MAD1L1: variants seen among roughly 807,000 people sequenced by gnomAD.
MAD1L1 encodes the protein mitotic spindle assembly checkpoint protein MAD1.
A neutral mutation model predicts 96.9 loss-of-function variants in MAD1L1; 95 were observed. The observed-to-expected ratio is 0.98, with a 90% CI of 0.83 to 1.16. MAD1L1 has a LOEUF of 1.16. Among genes scored for constraint, MAD1L1 ranks in the 50% most tolerant of loss-of-function variants. The probability of loss-of-function intolerance (pLI) is 0.00; values close to 1 mark genes in which losing one functional copy is unlikely to be tolerated. For missense variants in MAD1L1, 1,007 were observed against 954.4 expected, an observed-to-expected ratio of 1.06 and a Z score of -0.73; for synonymous variants, 473 against 396.6, an observed-to-expected ratio of 1.19 and a Z score of -2.29.
chr7:1,970,161 A>T (rs1780340661), intron 15 of MAD1L1, among the ~76,000 whole-genome samples: 1 of 152,170 alleles, frequency 6.6e-6, no homozygotes. Context: ...TTGAGCAGAC[A>T]TGTGCAGCTG....
At chr7:1,977,413 G>A (rs1780696295) in intron 15 of MAD1L1, among the ~76,000 whole-genome samples, 1 of 152,208 alleles carries the variant, frequency 6.6e-6, no homozygotes, top group South Asian at 2.1e-4. Context: ...CTCGGAGTGT[G>A]GGGCCCGCCA....
chr7:2,150,773 C>G (rs1482780703), intron 10 of MAD1L1, among the ~76,000 whole-genome samples: 1 of 152,222 alleles, frequency 6.6e-6, no homozygotes, highest in Non-Finnish European at 1.5e-5. Context: ...TCCCTCTGAC[C>G]ACAGCCAATT....
At chr7:1,902,220 A>C (rs898309142) in intron 17 of MAD1L1, among the ~76,000 whole-genome samples, 4 of 152,210 alleles carry the variant, frequency 2.6e-5, no homozygotes, top group Non-Finnish European at 5.9e-5. Flanking sequence ...GGACAGAATA[A>C]AAATAAATTG....
chr7:2,182,203 ATT>A (rs1423421582), intron 10 of MAD1L1, among the ~76,000 whole-genome samples: 2 of 152,164 alleles, frequency 1.3e-5, no homozygotes, highest in African/African-American at 4.8e-5. Context: ...ACTGGAAATA[ATT>A]TTTTGTCCCA....
At chr7:2,152,076 C>T (rs1789603122) in intron 10 of MAD1L1, among the ~76,000 whole-genome samples, 3 of 152,224 alleles carry the variant, frequency 2.0e-5, no homozygotes, top group Admixed American at 2.0e-4. Context: ...CTGGAGTTGT[C>T]CTGCCCCAGG....
rs1046680899 is a variant in MAD1L1 at position 2,119,082 on chromosome 7, G to A, written c.1073+30070C>T. ...GACAAGCAGGAGCGGCTGGGCTCGA[G>A]CTCCAGGGCTTCAGGGTGACTGCTG... On this transcript the variant is annotated intron_variant, in intron 11 of 18. Coordinates refer to ENST00000265854, the MANE Select transcript of MAD1L1 (RefSeq NM_001013836.2). This position sits in a 1 kb window ranked among gnomAD's most constrained non-coding sequence, Gnocchi z 4.6. Among the ~76,000 whole-genome samples, 1 of 152,042 alleles carries A rather than the reference G, an allele frequency of 6.6e-6. No homozygotes were observed. Among genetic ancestry groups the A allele is most frequent in the Admixed American group, 6.5e-5 (1 of 15,278 alleles).
chr7:1,900,127 T>TC (rs1483277631), intron 17 of MAD1L1, among the ~76,000 whole-genome samples: 1 of 152,028 alleles, frequency 6.6e-6, no homozygotes, highest in African/African-American at 2.4e-5. Flanking sequence ...AGCAGCCCGT[T>TC]CCGAGTGCAA....
chr7:1,954,197 A>T (rs1779625881), intron 16 of MAD1L1, among the ~76,000 whole-genome samples: 1 of 152,190 alleles, frequency 6.6e-6, no homozygotes, highest in Non-Finnish European at 1.5e-5. Flanking sequence ...AATGGCCACC[A>T]TGCAGGCCTG....
At chr7:1,986,450 C>T (rs144024968) in intron 14 of MAD1L1, among the ~76,000 whole-genome samples, 50 of 136,512 alleles carry the variant, frequency 3.7e-4, no homozygotes, top group Admixed American at 1.2e-3. Context: ...GGCCGCCTCT[C>T]GCAAGGGCTC....
chr7:2,182,420 G>A (rs1042458878), intron 10 of MAD1L1, among the ~76,000 whole-genome samples: 5 of 151,984 alleles, frequency 3.3e-5, no homozygotes, highest in African/African-American at 1.2e-4. Flanking sequence ...AGTTACTATG[G>A]AAAATAGTTT....
intron 12 of MAD1L1, among the ~76,000 whole-genome samples, chr7:2,048,691 A>G (rs1367489533): frequency 6.6e-6 from 1 of 152,180 alleles, no homozygotes; most frequent in African/African-American, 2.4e-5. Context: ...AACCTCCTCC[A>G]AGACGAATGC....
At chr7:2,165,569 A>G (rs1333201363) in intron 10 of MAD1L1, among the ~76,000 whole-genome samples, 1 of 96,384 alleles carries the variant, frequency 1.0e-5, no homozygotes, top group East Asian at 2.2e-4. Flanking sequence ...CACAGCAGGG[A>G]GCTGAAATGG....
chr7:1,912,060 G>A (rs564012169), intron 17 of MAD1L1, among the ~76,000 whole-genome samples: 2 of 152,360 alleles, frequency 1.3e-5, no homozygotes, highest in Admixed American at 1.3e-4. Context: ...GCCAAACCCA[G>A]AAGTCTGCAG....
intron 16 of MAD1L1, among the ~76,000 whole-genome samples, chr7:1,940,881 C>T (rs762339171): frequency 5.9e-4 from 90 of 151,436 alleles, no homozygotes; most frequent in Non-Finnish European, 1.2e-3. Flanking sequence ...AGAACCAGGC[C>T]GCACAGCGTG....
chr7:2,193,765 C>T (rs1017088434), intron 10 of MAD1L1, among the ~76,000 whole-genome samples: 2 of 152,184 alleles, frequency 1.3e-5, no homozygotes, highest in East Asian at 3.9e-4. Flanking sequence ...ATCCGGGAGA[C>T]GCCAGTCTCA....
chr7:2,086,874 C>T (rs1001332021), intron 11 of MAD1L1, among the ~76,000 whole-genome samples: 8 of 152,266 alleles, frequency 5.3e-5, no homozygotes, highest in Middle Eastern at 3.4e-3. Context: ...TTATCTTCTG[C>T]GACTAAAAGC....
intron 11 of MAD1L1, among the ~76,000 whole-genome samples, chr7:2,116,575 G>GT (rs1787711134): frequency 6.6e-6 from 1 of 151,242 alleles, no homozygotes; most frequent in Non-Finnish European, 1.5e-5. Flanking sequence ...GTTGGGGGGG[G>GT]GGGGGGCTCC....
intron 18 of MAD1L1, among the ~76,000 whole-genome samples, chr7:1,819,716 T>C (rs1229959562): frequency 6.6e-6 from 1 of 151,138 alleles, no homozygotes; most frequent in Non-Finnish European, 1.5e-5. Flanking sequence ...GAGGGAGGGG[T>C]GGGGGCTGAC....
intron 4 of MAD1L1, among the ~76,000 whole-genome samples, chr7:2,223,847 C>A (rs1220085667): frequency 1.3e-5 from 2 of 151,922 alleles, no homozygotes; most frequent in Non-Finnish European, 2.9e-5. Flanking sequence ...AAGTCTCGCC[C>A]CTAATAGGTA....
Sources: gnomAD v4.1 joint callset for allele counts (sites outside exome capture counted in the v4.1 genomes callset) on GRCh38, gnomAD v4.1.1 for gene constraint, Gnocchi (gnomAD v3.1) non-coding constraint, MANE v1.5 for transcripts, NCBI Gene and HGNC (gene_info 2026-07-23, HGNC 2026-07-21) for gene names.